Variants in INTS13 observed in about 807,000 individuals in gnomAD.
The protein encoded by INTS13 is asunder, spermatogenesis regulator homolog (Drosphila).
In INTS13, 35 loss-of-function variants were observed where a neutral mutation model predicts 90.2. The observed-to-expected ratio is 0.39, with a 90% CI of 0.30 to 0.51. INTS13 has a LOEUF of 0.51. INTS13 is among the 20% of genes least tolerant of loss of function. The pLI is 0.80. For missense variants in INTS13, 601 were observed against 851.2 expected (o/e 0.71, Z 3.66); for synonymous variants, 309 against 277.1 (o/e 1.11, Z -1.14).
intron 1 of INTS13, 163 bp downstream of exon 1, chr12:26,937,633 T>C (rs1452047591): frequency 6.6e-6 from 1 of 152,254 alleles, no homozygotes; most frequent in Non-Finnish European, 1.5e-5. Flanking sequence ...AACGAACTGA[T>C]TTCTTACGAT....
At chr12:26,910,757 A>C (rs969491146) in intron 15 of INTS13, among the ~76,000 whole-genome samples, 1 of 152,216 alleles carries the variant, frequency 6.6e-6, no homozygotes, top group African/African-American at 2.4e-5. Context: ...GTCCTAAACA[A>C]CACCCACAAA....
At chr12:26,932,763 GAGT>G (rs1448114063) in intron 3 of INTS13, among the ~76,000 whole-genome samples, 3 of 149,450 alleles carry the variant, frequency 2.0e-5, no homozygotes, top group Non-Finnish European at 4.5e-5. Context: ...ACAGATAAAA[GAGT>G]AGAAGAACAG....
At chr12:26,925,646 T>C (rs1381782515) in intron 6 of INTS13, 115 bp downstream of exon 6, 41 of 881,546 alleles carry the variant, frequency 4.7e-5, no homozygotes, top group Non-Finnish European at 6.6e-5. Context: ...CTTTGAAAAC[T>C]CAAAATATTT....
Position 26,913,994 on chromosome 12 carries a change from T to C in INTS13, c.1554A>G (p.Thr518=), listed in dbSNP as rs753750096. The change falls in exon 13 of 17, where the codon ACA becomes ACG. Residue 518 remains threonine (T), a synonymous_variant. Transcript: ENST00000261191. Reference sequence around the variant, plus strand: ...TGTACCTTTTAGGGCCCTTTCCTCTTGTACCAACTGTGGAAATAGGTAGAG... The same window carrying C: ...TGTACCTTTTAGGGCCCTTTCCTCTCGTACCAACTGTGGAAATAGGTAGAG... ...NDPLPISTVG[T]RGKGPKRDEQ... is the part of the protein sequence containing the mutation. 3 of 1,609,244 alleles carry C rather than the reference T, an allele frequency of 1.9e-6. No homozygotes were observed. Among genetic ancestry groups the C allele is most frequent in the Non-Finnish European group, 1.7e-6 (2 of 1,178,862 alleles).
chr12:26,922,618 CT>C lies in INTS13; in HGVS notation c.886del (p.Ser296ValfsTer6). 2 of 1,588,608 alleles carry C rather than the reference CT, an allele frequency of 1.3e-6. No homozygotes were observed. Among genetic ancestry groups the C allele is most frequent in the Admixed American group, 1.8e-5 (1 of 56,862 alleles). The stretch of plus-strand genomic sequence containing the variant: ...TAATACTTTCAAATGTCTCTTACCA[CT>C]TTTCAGGAAATCTACATGTGCATCT... ...HKDAHVDFLK[S>X]GDSHLGGGSR... On this transcript the variant is annotated frameshift_variant, in exon 8 of 17. Coordinates refer to ENST00000261191, the MANE Select transcript of INTS13 (RefSeq NM_018164.3). LOFTEE classifies it high-confidence loss of function.
intron 10 of INTS13, among the ~76,000 whole-genome samples, chr12:26,916,745 T>C (rs1306417206): frequency 3.3e-5 from 5 of 152,172 alleles, no homozygotes; most frequent in Non-Finnish European, 7.4e-5. Context: ...TTCCAAAACC[T>C]GAGATGATCA....
At chr12:26,909,087 G>A (rs377678360) in intron 15 of INTS13, among the ~76,000 whole-genome samples, 5 of 152,278 alleles carry the variant, frequency 3.3e-5, no homozygotes, top group South Asian at 2.1e-4. Flanking sequence ...GGGGCTGGGC[G>A]CAGGGACTCA....
chr12:26,936,511 T>C lies in INTS13; in HGVS notation c.225+68A>G, dbSNP rs1385648389. The C allele has an allele frequency of 2.6e-6, 3 of 1,154,014 alleles. No individual in the cohort carries two copies. The African/African-American group carries it at 4.7e-5, about 18-fold the overall frequency. The allele number at this position is 1,154,014 out of a possible 1,614,324, so 71.5% of individuals were successfully genotyped here. A position where few individuals can be genotyped will look rare whatever the true frequency, so the allele number is the denominator to read the frequency against. On this transcript the variant is annotated intron_variant, in intron 2 of 16. Transcript: ENST00000261191. ...ACAGTCATTATCTATAGCAAATTCA[T>C]ATAAAAATTCATTTATGCAGTTAAG...
At chr12:26,911,777 A>AC (rs1491152157) in intron 14 of INTS13, among the ~76,000 whole-genome samples, 1 of 152,204 alleles carries the variant, frequency 6.6e-6, no homozygotes, top group Non-Finnish European at 1.5e-5. Context: ...CTAAACTTTT[A>AC]GAGTTTCATC....
At chr12:26,916,581 C>T (rs1284076753) in intron 10 of INTS13, among the ~76,000 whole-genome samples, 6 of 152,198 alleles carry the variant, frequency 3.9e-5, no homozygotes, top group East Asian at 1.9e-4. Flanking sequence ...TTCACTTACA[C>T]AACAGTTCCT....
intron 6 of INTS13, among the ~76,000 whole-genome samples, chr12:26,925,454 G>T (rs1937816672): frequency 6.6e-6 from 1 of 151,966 alleles, no homozygotes. Flanking sequence ...TAAGGAAAAA[G>T]ATTTTTACAG....
intron 15 of INTS13, 55 bp downstream of exon 15, chr12:26,911,123 C>T (rs1592198225): frequency 6.4e-7 from 1 of 1,563,470 alleles, no homozygotes; most frequent in Non-Finnish European, 8.6e-7. Context: ...GGGTAAGCCA[C>T]CACACCCGGC....
chr12:26,919,303 GAGA>G (rs1398381896), intron 8 of INTS13, among the ~76,000 whole-genome samples: 22 of 152,192 alleles, frequency 1.4e-4, no homozygotes, highest in Admixed American at 2.0e-4. Flanking sequence ...GGCTGAAACA[GAGA>G]AGATTAGTAT....
chr12:26,909,750 A>G (rs1951720810), intron 15 of INTS13, among the ~76,000 whole-genome samples: 1 of 152,254 alleles, frequency 6.6e-6, no homozygotes, highest in Admixed American at 6.5e-5. Flanking sequence ...CAAATATAAT[A>G]AGATCACCTC....
rs1938004222 is a variant in INTS13, at chr12:26,928,394, A to G, written c.504-109T>C. On this transcript the variant is annotated intron_variant, in intron 4 of 16. Transcript: ENST00000261191. ...TGTTATAGACATTTAAAGTTACTTC[A>G]CTAAGGACTATCTTTAGTGTGCTAA... 5 of 859,960 alleles carry G rather than the reference A, an allele frequency of 5.8e-6. No homozygotes were observed. In the Admixed American group the frequency reaches 1.1e-4, roughly 18 times the overall value. 53.3% of individuals were successfully genotyped at this position (859,960 alleles called of 1,614,324 possible). A position where few individuals can be genotyped will look rare whatever the true frequency, so the allele number is the denominator to read the frequency against.
In INTS13 at chr12:26,914,539, A is replaced by G. The variant is rs765019515; in HGVS notation, c.1288T>C (p.Phe430Leu). The change falls in exon 12 of 17, where the codon TTT becomes CTT. Residue 430 changes from phenylalanine (F) to leucine (L), a missense_variant. Transcript: ENST00000261191. ...TCGATTTTATATCTGGGGTCTAGAA[A>G]AGGAGTTAATCTGTTTTCCCTCATA... ...EFMRENRLTP[F>L]LDPRYKIDGS... 1 of 1,613,566 alleles carries G rather than the reference A, an allele frequency of 6.2e-7. No homozygotes were observed. Among genetic ancestry groups the G allele is most frequent in the African/African-American group, 1.3e-5 (1 of 74,918 alleles).
Position 26,936,646 on chromosome 12 carries a change from G to C in INTS13, c.158C>G (p.Thr53Ser), listed in dbSNP as rs1310870621. The C allele has an allele frequency of 3.1e-6, 5 of 1,613,564 alleles. No homozygotes were observed. The highest frequency in any genetic ancestry group is 1.1e-5 in the South Asian group (1 of 91,066). ...TTCCATGGAAGATTCTACTGAGCAA[G>C]TCCACAATGATTTAGATATGGGGGC... ...PLAPISKSLWTCSVESSMEYC... is the reference protein window; with the variant it reads ...PLAPISKSLWSCSVESSMEYC... The change falls in exon 2 of 17, where the codon ACT becomes AGT. Residue 53 changes from threonine to serine, a missense_variant. Physicochemically the swap from Thr to Ser is moderately conservative, Grantham distance 58 (BLOSUM62 1). Coordinates refer to ENST00000261191, the MANE Select transcript of INTS13 (RefSeq NM_018164.3).
intron 8 of INTS13, 110 bp from the exon 9 acceptor site, chr12:26,917,843 G>A: frequency 1.3e-6 from 1 of 792,280 alleles, no homozygotes; most frequent in Non-Finnish European, 2.0e-6. Flanking sequence ...AATAAAAGCG[G>A]CCGGGTGCAG....
chr12:26,916,103 C>G lies in INTS13; in HGVS notation c.1147G>C (p.Glu383Gln), dbSNP rs377441203. Residue 383 changes from glutamate to glutamine, a missense_variant, in exon 11 of 17, where the codon GAG becomes CAG. This residue lies in a region of INTS13 where 89 missense variants were observed against 191.0 expected (regional missense o/e 0.47). Transcript: ENST00000261191. ...ISHMLSSHGG[E>Q]IFLHVLSSSR... ...CTGCTAAGGACGTGCAAAAAAATCTCTCCTCCATGGCTACTAAGCATATGA... is the reference window on the plus strand; with the variant it reads ...CTGCTAAGGACGTGCAAAAAAATCTGTCCTCCATGGCTACTAAGCATATGA... The G allele has an allele frequency of 8.7e-5, 141 of 1,613,784 alleles. No homozygotes were observed. The highest frequency in any genetic ancestry group is 1.1e-4 in the Non-Finnish European group (126 of 1,179,922).
Sources: gnomAD v4.1 joint callset for allele counts (sites outside exome capture counted in the v4.1 genomes callset) on GRCh38, gnomAD v4.1.1 for gene constraint, gnomAD v4.1.1 regional missense constraint, MANE v1.5 for transcripts, NCBI Gene and HGNC (gene_info 2026-07-23, HGNC 2026-07-21) for gene names.